The following PROK2 variants were observed in gnomAD, a reference collection of about 807,000 sequenced individuals.
PROK2 encodes the protein prokineticin-2.
A neutral mutation model predicts 14.2 loss-of-function variants in PROK2; 8 were observed. The observed-to-expected ratio is 0.56, with a 90% CI of 0.33 to 1.02. The LOEUF is 1.02. Ranked by LOEUF, PROK2 falls within the 50% of genes least tolerant of loss-of-function variation. The pLI, the probability that PROK2 is intolerant of heterozygous loss-of-function variation, is 0.03. For synonymous variants in PROK2, 59 were observed against 60.7 expected, an observed-to-expected ratio of 0.97 and a Z score of 0.13; for missense variants, 154 against 160.4, an observed-to-expected ratio of 0.96 and a Z score of 0.22.
intron 3 of PROK2, among the ~76,000 whole-genome samples, chr3:71,773,455 A>G (rs887419588): frequency 3.3e-5 from 5 of 152,170 alleles, no homozygotes; most frequent in African/African-American, 1.2e-4. Flanking sequence ...AGTGGGCCCG[A>G]GAGACCAAGC....
At chr3:71,784,564 G>C (rs2050195903) in intron 1 of PROK2, among the ~76,000 whole-genome samples, 1 of 152,214 alleles carries the variant, frequency 6.6e-6, no homozygotes, top group South Asian at 2.1e-4. Context: ...ATTTCAGGAA[G>C]GGGCCGTCAA....
intron 1 of PROK2, among the ~76,000 whole-genome samples, chr3:71,784,330 G>A (rs946834913): frequency 6.6e-6 from 1 of 152,218 alleles, no homozygotes; most frequent in African/African-American, 2.4e-5. Flanking sequence ...TGCTTTGCCA[G>A]GAATTAGAAA....
intron 1 of PROK2, among the ~76,000 whole-genome samples, 194 bp downstream of exon 1, chr3:71,784,763 A>C (rs921474581): frequency 6.6e-6 from 1 of 152,230 alleles, no homozygotes; most frequent in African/African-American, 2.4e-5. Flanking sequence ...GGACGCGCCC[A>C]GTGTCCCCAG....
In PROK2 at chr3:71,781,394, C is replaced by T; in HGVS notation, c.222+73G>A. 5 of 1,563,804 alleles carry T rather than the reference C, an allele frequency of 3.2e-6. 1 individual carries two copies. The South Asian group carries it at 5.6e-5, about 17-fold the overall frequency. The stretch of plus-strand genomic sequence containing the variant: ...TGTTTGTCGAGCACGTTACCCAGTC[C>T]TTCATGTCATACAGACCCTGCTCAG... On this transcript the variant is annotated intron_variant, in intron 2 of 3. Coordinates refer to ENST00000295619, the MANE Select transcript of PROK2 (RefSeq NM_001126128.2).
chr3:71,777,364 A>G (rs2050128098), intron 2 of PROK2, among the ~76,000 whole-genome samples: 1 of 152,194 alleles, frequency 6.6e-6, no homozygotes, highest in African/African-American at 2.4e-5. Context: ...TGCATTAGTT[A>G]TATTTTAGTA....
intron 1 of PROK2, among the ~76,000 whole-genome samples, chr3:71,782,072 C>T (rs2108197454): frequency 6.6e-6 from 1 of 152,222 alleles, no homozygotes; most frequent in South Asian, 2.1e-4. Flanking sequence ...CACTCCAGAC[C>T]CATAAAGGCA....
At chr3:71,784,238 T>C (rs1559627805) in intron 1 of PROK2, among the ~76,000 whole-genome samples, 1 of 152,180 alleles carries the variant, frequency 6.6e-6, no homozygotes, top group South Asian at 2.1e-4. Flanking sequence ...AGTTCCTACT[T>C]ACAGAAAAGA....
At chr3:71,777,021 G>A (rs1336546775) in intron 2 of PROK2, among the ~76,000 whole-genome samples, 1 of 152,126 alleles carries the variant, frequency 6.6e-6, no homozygotes, top group Admixed American at 6.5e-5. Context: ...CTTATAAAAG[G>A]GCAACATGAG....
chr3:71,778,058 G>T (rs781460197), intron 2 of PROK2, among the ~76,000 whole-genome samples: 1 of 152,122 alleles, frequency 6.6e-6, no homozygotes, highest in Non-Finnish European at 1.5e-5. Flanking sequence ...TTAGCCGGGC[G>T]TGGTTGTGGG....
chr3:71,784,059 A>G (rs2050191146), intron 1 of PROK2, among the ~76,000 whole-genome samples: 1 of 152,274 alleles, frequency 6.6e-6, no homozygotes, highest in Non-Finnish European at 1.5e-5. Flanking sequence ...AAGTAATTTA[A>G]TGAAGGTGTG....
intron 1 of PROK2, among the ~76,000 whole-genome samples, chr3:71,782,896 G>C (rs2050170839): frequency 2.0e-5 from 3 of 152,128 alleles, no homozygotes. Flanking sequence ...ATTTCACCTT[G>C]AGGTGTTTGG....
intron 1 of PROK2, among the ~76,000 whole-genome samples, chr3:71,782,878 A>G (rs1441721216): frequency 1.3e-5 from 2 of 152,216 alleles, no homozygotes; most frequent in African/African-American, 4.8e-5. Flanking sequence ...TCTGGATAAA[A>G]GCTAAAAATT....
In PROK2 at chr3:71,772,706, G is replaced by A; in HGVS notation, c.*18C>T. The A allele has an allele frequency of 1.9e-6, 3 of 1,601,886 alleles. No homozygotes were observed. Among genetic ancestry groups the A allele is most frequent in the Non-Finnish European group, 2.6e-6 (3 of 1,168,954 alleles). ...GGTAAGATGTGGCTATTCACATTTG[G>A]TTTCTACTCCAGAGCGATTACTTTT... On this transcript the variant is annotated 3_prime_UTR_variant, in exon 4 of 4. Coordinates refer to ENST00000295619, the MANE Select transcript of PROK2 (RefSeq NM_001126128.2).
intron 2 of PROK2, among the ~76,000 whole-genome samples, chr3:71,775,221 T>C (rs2050109179): frequency 6.6e-6 from 1 of 152,192 alleles, no homozygotes; most frequent in Non-Finnish European, 1.5e-5. Flanking sequence ...ACACCTATAA[T>C]GAGCATGTTA....
chr3:71,784,980 C>T lies in PROK2; in HGVS notation c.73G>A (p.Gly25Arg). ...ACCCCGGTGATCACGGCGGCGTCCC[C>T]AGCGCGGGGCGTGAGCAGCAGCGGC... Reference protein sequence around the residue: ...LPPLLLTPRAGDAAVITGACD... With the variant: ...LPPLLLTPRARDAAVITGACD... The change falls in exon 1 of 4, where the codon GGG (glycine) becomes AGG (arginine). Residue 25 changes from glycine to arginine, a missense_variant. Gly to Arg is a moderately radical substitution (Grantham distance 125, BLOSUM62 -2). Transcript: ENST00000295619. The T allele has an allele frequency of 8.0e-7, 1 of 1,249,694 alleles. No homozygotes were observed. The highest frequency in any genetic ancestry group is 1.0e-6 in the Non-Finnish European group (1 of 994,828). 77.4% of individuals were successfully genotyped at this position (1,249,694 alleles called of 1,614,324 possible).
chr3:71,784,686 G>C (rs576153297), intron 1 of PROK2, among the ~76,000 whole-genome samples: 1 of 152,348 alleles, frequency 6.6e-6, no homozygotes, highest in Non-Finnish European at 1.5e-5. Context: ...TGGGTGATGA[G>C]GGAGAAGTAA....
chr3:71,774,516 G>T lies in PROK2; in HGVS notation c.223-9C>A, dbSNP rs2050103916. 6.5e-7 allele frequency: 1 copy of T among 1,549,522 alleles called. No individual in the cohort carries two copies. The highest frequency in any genetic ancestry group is 1.4e-5 in the African/African-American group (1 of 72,954). ...CCATTTCCAAAATTGTTCTGGAAGG[G>T]CCAGGGAGACGATTGAGATCAATAA... On this transcript the variant is annotated splice_polypyrimidine_tract_variant and intron_variant, in intron 2 of 3. Coordinates refer to ENST00000295619, the MANE Select transcript of PROK2 (RefSeq NM_001126128.2).
Position 71,776,363 on chromosome 3 carries a change from C to CTTTTTTTT in PROK2, c.223-1857_223-1856insAAAAAAAA, listed in dbSNP as rs2050118816. ...CTTTTCTTTTTTTCTTTTCGCTTTT[C>CTTTTTTTT]ATTTTTTTTTTTTTTTTTTTTTTTT... On this transcript the variant is annotated intron_variant, in intron 2 of 3. Coordinates refer to ENST00000295619, the MANE Select transcript of PROK2 (RefSeq NM_001126128.2). Among the ~76,000 whole-genome samples, 21 of 92,070 alleles carry CTTTTTTTT rather than the reference C, an allele frequency of 2.3e-4. 1 individual carries two copies. Among genetic ancestry groups the CTTTTTTTT allele is most frequent in the African/African-American group, 7.1e-4 (16 of 22,464 alleles). 60.4% of individuals were successfully genotyped at this position (92,070 alleles called of 152,430 possible).
chr3:71,779,877 T>C (rs1198438983), intron 2 of PROK2, among the ~76,000 whole-genome samples: 1 of 152,236 alleles, frequency 6.6e-6, no homozygotes, highest in Non-Finnish European at 1.5e-5. Flanking sequence ...CCCAAATTGC[T>C]GGGATTACAG....
Sources: gnomAD v4.1 joint callset for allele counts (sites outside exome capture counted in the v4.1 genomes callset) on GRCh38, gnomAD v4.1.1 for gene constraint, MANE v1.5 for transcripts, NCBI Gene and HGNC (gene_info 2026-07-23, HGNC 2026-07-21) for gene names.